CROCC: variants seen among roughly 807,000 people sequenced by gnomAD.
CROCC encodes the protein rootletin.
Under a neutral mutation model 245.2 loss-of-function variants are expected in CROCC, and 180 were observed. The ratio of observed to expected loss-of-function variants is 0.73; its 90% CI spans 0.65 to 0.83. The LOEUF (loss-of-function observed/expected upper bound fraction) is 0.83. CROCC is among the 40% of genes least tolerant of loss of function. CROCC has a pLI of 0.00. For synonymous variants in CROCC, 1,205 were observed against 1,241.6 expected (o/e 0.97, Z 0.62); for missense variants, 2,688 against 2,779.4 (o/e 0.97, Z 0.74).
chr1:16,970,882 C>G, intron 35 of CROCC, 115 bp downstream of exon 35: 2 of 1,289,880 alleles, frequency 1.6e-6, no homozygotes, highest in Non-Finnish European at 2.0e-6. Context: ...CCCCCAGGAG[C>G]CCTGAGCCTT....
chr1:16,931,966 C>G (rs1428281447), intron 8 of CROCC, among the ~76,000 whole-genome samples: 6 of 151,948 alleles, frequency 3.9e-5, no homozygotes, highest in Admixed American at 6.6e-5. Context: ...GGGGTTTCAC[C>G]ATGTTGCCCA....
chr1:16,947,805 C>A (rs2076083072), intron 17 of CROCC, among the ~76,000 whole-genome samples: 1 of 152,222 alleles, frequency 6.6e-6, no homozygotes, highest in Non-Finnish European at 1.5e-5. Context: ...TGAGTGAGGG[C>A]CCTCATTTTT....
intron 27 of CROCC, among the ~76,000 whole-genome samples, chr1:16,963,666 G>C (rs2076369804): frequency 6.6e-6 from 1 of 152,084 alleles, no homozygotes. Flanking sequence ...TAGTGCCCTG[G>C]TTCCACCCGC....
chr1:16,933,143 A>C (rs2075715089), intron 8 of CROCC, among the ~76,000 whole-genome samples: 1 of 152,282 alleles, frequency 6.6e-6, no homozygotes, highest in African/African-American at 2.4e-5. Flanking sequence ...TCAAATAGCC[A>C]GTGTCTAAAT....
chr1:16,960,509 C>T (rs563666902), intron 26 of CROCC, among the ~76,000 whole-genome samples: 11 of 152,294 alleles, frequency 7.2e-5, no homozygotes, highest in African/African-American at 2.6e-4. Flanking sequence ...ATTCAAATGC[C>T]AGCTGTTATT....
chr1:16,960,943 C>T lies in CROCC; in HGVS notation c.4218C>T (p.Ser1406=). 12 of 1,428,914 alleles carry T rather than the reference C, an allele frequency of 8.4e-6. No homozygotes were observed. Among genetic ancestry groups the T allele is most frequent in the Non-Finnish European group, 1.1e-5 (12 of 1,099,754 alleles). The allele number at this position is 1,428,914 out of a possible 1,614,324, so 88.5% of individuals were successfully genotyped here. Residue 1406 remains serine (S), a synonymous_variant, in exon 27 of 37, where the codon AGC becomes AGT. Transcript: ENST00000375541. ...CTGCAGAGCTGGGCCTGCGGCTGAGCGCAGCCGAGGGCCGGGCACAAGGCC... is the reference window on the plus strand; with the variant it reads ...CTGCAGAGCTGGGCCTGCGGCTGAGTGCAGCCGAGGGCCGGGCACAAGGCC... ...AEAAELGLRL[S]AAEGRAQGLE... is the part of the protein sequence containing the mutation.
intron 25 of CROCC, 35 bp from the exon 26 acceptor site, chr1:16,958,548 G>C (rs1412215957): frequency 6.5e-7 from 1 of 1,548,692 alleles, no homozygotes; most frequent in Non-Finnish European, 8.7e-7. Context: ...TACAGGGGCA[G>C]AGCTGAACCT....
intron 3 of CROCC, among the ~76,000 whole-genome samples, chr1:16,925,435 C>T (rs562625338): frequency 6.1e-3 from 927 of 152,060 alleles, no homozygotes; most frequent in African/African-American, 0.022. Flanking sequence ...ACCAGGTCTT[C>T]CAACTCCCAG....
chr1:16,963,317 C>T (rs1369820676), intron 27 of CROCC, among the ~76,000 whole-genome samples: 6 of 151,308 alleles, frequency 4.0e-5, no homozygotes, highest in South Asian at 2.1e-4. Flanking sequence ...GAGGGGGACT[C>T]GGGGCGAGTA....
At position 16,952,599 on chromosome 1, in the gene CROCC, G is replaced by T. The variant is rs549089254; in HGVS notation, c.3007-703G>T. 3.4e-4 allele frequency among the ~76,000 whole-genome samples: 52 copies of T among 152,252 alleles called. 1 individual carries two copies. The South Asian group carries it at 0.011, about 31-fold the overall frequency. ...CCAGGTGGGCTGCTATTTGCCTGTG[G>T]GCTCTGCCTGCCCGCCTGTCCAGTC... On this transcript the variant is annotated intron_variant, in intron 20 of 36. Coordinates refer to ENST00000375541, the MANE Select transcript of CROCC (RefSeq NM_014675.5).
At chr1:16,960,563 G>T (rs2076313635) in intron 26 of CROCC, among the ~76,000 whole-genome samples, 195 bp from the exon 27 acceptor site, 1 of 152,218 alleles carries the variant, frequency 6.6e-6, no homozygotes. Flanking sequence ...AAAGAATAAA[G>T]AGATTAATAA....
intron 20 of CROCC, among the ~76,000 whole-genome samples, chr1:16,952,260 A>G (rs1185192755): frequency 2.6e-5 from 4 of 151,174 alleles, no homozygotes; most frequent in Non-Finnish European, 4.4e-5. Context: ...CGAGGTGGGC[A>G]GATCACCAGG....
At chr1:16,969,013 G>C (rs1325555071) in intron 31 of CROCC, 103 bp from the exon 32 acceptor site, 1 of 1,090,856 alleles carries the variant, frequency 9.2e-7, no homozygotes, top group Non-Finnish European at 1.4e-6. Context: ...GAGAGAAGTG[G>C]GAAGGGTGTG....
intron 3 of CROCC, among the ~76,000 whole-genome samples, chr1:16,927,142 A>G (rs1288748523): frequency 2.0e-5 from 3 of 152,250 alleles, no homozygotes; most frequent in African/African-American, 2.4e-5. Flanking sequence ...TCCACAAACA[A>G]CATAGTGAGA....
chr1:16,930,825 A>G (rs1459924237), intron 7 of CROCC, among the ~76,000 whole-genome samples: 1 of 152,292 alleles, frequency 6.6e-6, no homozygotes, highest in Non-Finnish European at 1.5e-5. Context: ...GGTAGGTGCT[A>G]TCATTCTCCT....
chr1:16,937,965 G>A (rs1168626105), intron 10 of CROCC, among the ~76,000 whole-genome samples: 1 of 152,280 alleles, frequency 6.6e-6, no homozygotes, highest in Non-Finnish European at 1.5e-5. Flanking sequence ...TGGGGAAACT[G>A]AGGCCCAAGA....
Position 16,971,519 on chromosome 1 carries a change from G to A in CROCC, c.5839G>A (p.Ala1947Thr), listed in dbSNP as rs1230228855. Residue 1947 changes from alanine to threonine, a missense_variant, in exon 36 of 37, where the codon GCG (alanine) becomes ACG (threonine). Physicochemically the swap from Ala to Thr is moderately conservative, Grantham distance 58. This residue lies in a region of CROCC where 1,218 missense variants were observed against 1,286.3 expected (regional missense o/e 0.95). Transcript: ENST00000375541. ...SHSPAQLEVD[A>T]QQQQLELQQE... is the part of the protein sequence containing the mutation. ...CAGCCCGGCCCAGCTGGAGGTGGATGCGCAGCAGCAGCAGCTGGAGCTGCA... is the reference window on the plus strand; with the variant it reads ...CAGCCCGGCCCAGCTGGAGGTGGATACGCAGCAGCAGCAGCTGGAGCTGCA... 6.5e-7 allele frequency: 1 copy of A among 1,537,118 alleles called. No individual in the cohort carries two copies. The highest frequency in any genetic ancestry group is 8.7e-7 in the Non-Finnish European group (1 of 1,146,382).
chr1:16,958,681 G>A lies in CROCC; in HGVS notation c.3963G>A (p.Arg1321=), dbSNP rs2076284326. Reference sequence around the variant, plus strand: ...GCGAGCGGGCAGAGAAGGAGAGCAGGCGGGAGACCCTGGGCCTCCGGCAGA... The same window carrying A: ...GCGAGCGGGCAGAGAAGGAGAGCAGACGGGAGACCCTGGGCCTCCGGCAGA... ...ALGERAEKES[R]RETLGLRQRL... The change falls in exon 26 of 37, where the codon AGG becomes AGA. Residue 1321 remains arginine (R), a synonymous_variant. Transcript: ENST00000375541. 6.4e-7 allele frequency: 1 copy of A among 1,557,414 alleles called. No homozygotes were observed. The highest frequency in any genetic ancestry group is 8.7e-7 in the Non-Finnish European group (1 of 1,151,300).
chr1:16,955,265 G>A (rs557380212), intron 23 of CROCC, 47 bp from the exon 24 acceptor site: 97 of 1,518,774 alleles, frequency 6.4e-5, no homozygotes, highest in East Asian at 2.1e-4. Context: ...CCAGCTTGAC[G>A]GGGGGGTCCC....
Sources: allele counts gnomAD v4.1 joint callset (sites outside exome capture counted in the v4.1 genomes callset), GRCh38; gene constraint gnomAD v4.1.1; regional missense constraint gnomAD v4.1.1; transcripts MANE v1.5; gene names NCBI Gene and HGNC (gene_info 2026-07-23, HGNC 2026-07-21).